Variants in OIT3 observed in about 807,000 individuals in gnomAD.
OIT3 encodes oncoprotein-induced transcript 3 protein.
In OIT3, 41 loss-of-function variants were observed where a neutral mutation model predicts 52.2. The ratio of observed to expected loss-of-function variants is 0.79; its 90% CI spans 0.61 to 1.02. OIT3 has a LOEUF of 1.02. OIT3 is among the 50% of genes least tolerant of loss of function. The pLI is 0.00. For synonymous variants in OIT3, 244 were observed against 276.9 expected (o/e 0.88, Z 1.18); for missense variants, 634 against 715.5 (o/e 0.89, Z 1.30).
At chr10:72,903,536 C>G (rs1845951694) in intron 3 of OIT3, among the ~76,000 whole-genome samples, 1 of 152,140 alleles carries the variant, frequency 6.6e-6, no homozygotes, top group Non-Finnish European at 1.5e-5. Flanking sequence ...CCCCCTTTTT[C>G]TTTTAATTTA....
intron 1 of OIT3, among the ~76,000 whole-genome samples, chr10:72,898,260 C>T (rs1845894997): frequency 6.6e-6 from 1 of 152,144 alleles, no homozygotes; most frequent in Non-Finnish European, 1.5e-5. Flanking sequence ...GCACTCCAGC[C>T]TGGGTGACAG....
At chr10:72,909,315 T>C (rs1170004497) in intron 4 of OIT3, among the ~76,000 whole-genome samples, 1 of 151,948 alleles carries the variant, frequency 6.6e-6, no homozygotes, top group Non-Finnish European at 1.5e-5. Context: ...AAACAGGGTT[T>C]CACCATGTTG....
chr10:72,898,907 G>A lies in OIT3; in HGVS notation c.305G>A (p.Arg102His), dbSNP rs769713678. The change falls in exon 2 of 9, where the codon CGC becomes CAC. Residue 102 changes from arginine (R) to histidine (H), a missense_variant. Transcript: ENST00000334011. The stretch of plus-strand genomic sequence containing the variant: ...CTAGAAGGCGACGGCATTGTGCAAC[G>A]CCAGGCTTGTGCCAGCTTCAATGGG... ...HPLEGDGIVQRQACASFNGNC... is the reference protein window; with the variant it reads ...HPLEGDGIVQHQACASFNGNC... 3 of 1,614,076 alleles carry A rather than the reference G, an allele frequency of 1.9e-6. No individual in the cohort carries two copies. Among genetic ancestry groups the A allele is most frequent in the South Asian group, 2.2e-5 (2 of 91,084 alleles).
chr10:72,918,428 A>G (rs1564594637), intron 6 of OIT3: 1 of 810,268 alleles, frequency 1.2e-6, no homozygotes, highest in Admixed American at 1.7e-5. Context: ...GCTCATCTTC[A>G]TCATTATCCA....
intron 6 of OIT3, among the ~76,000 whole-genome samples, chr10:72,917,040 T>G (rs2132941249): frequency 6.6e-6 from 1 of 152,308 alleles, no homozygotes; most frequent in East Asian, 1.9e-4. Context: ...ATAAATTTCT[T>G]TAAGTTTCTT....
intron 1 of OIT3, among the ~76,000 whole-genome samples, chr10:72,898,410 A>C (rs1845896197): frequency 6.6e-6 from 1 of 152,218 alleles, no homozygotes; most frequent in Non-Finnish European, 1.5e-5. Context: ...CCTTCTATCA[A>C]ATAATTACTC....
At chr10:72,930,681 T>TC in intron 8 of OIT3, 44 bp downstream of exon 8, 1 of 280,648 alleles carries the variant, frequency 3.6e-6, no homozygotes, top group Admixed American at 5.5e-5. Flanking sequence ...ACCTGAGCCT[T>TC]TTTTTTTTTT....
chr10:72,918,627 A>G, intron 6 of OIT3: 1 of 684,030 alleles, frequency 1.5e-6, no homozygotes, highest in Non-Finnish European at 2.6e-6. Context: ...GAATCACACC[A>G]GGGTACACTT....
intron 3 of OIT3, among the ~76,000 whole-genome samples, chr10:72,902,118 G>A (rs530974348): frequency 9.2e-5 from 14 of 152,016 alleles, no homozygotes; most frequent in Non-Finnish European, 1.8e-4. Flanking sequence ...TGACCATCCT[G>A]TGAAGCATGT....
At chr10:72,923,731 G>A (rs1248247241) in intron 6 of OIT3, among the ~76,000 whole-genome samples, 1 of 152,188 alleles carries the variant, frequency 6.6e-6, no homozygotes, top group African/African-American at 2.4e-5. Flanking sequence ...TCGAGGACCT[G>A]CTTAAAGAAG....
intron 6 of OIT3, among the ~76,000 whole-genome samples, chr10:72,920,260 T>C (rs1490101233): frequency 6.6e-6 from 1 of 152,226 alleles, no homozygotes; most frequent in African/African-American, 2.4e-5. Flanking sequence ...TGTATTTCTG[T>C]GGGGCCAGGG....
chr10:72,899,009 C>T lies in OIT3; in HGVS notation c.407C>T (p.Pro136Leu). The T allele has an allele frequency of 1.2e-6, 2 of 1,611,656 alleles. No individual in the cohort carries two copies. The highest frequency in any genetic ancestry group is 1.7e-4 in the Middle Eastern group (1 of 6,056). The change falls in exon 2 of 9, where the codon CCC becomes CTC. Residue 136 changes from proline (P) to leucine (L), a missense_variant. Pro to Leu is a moderately conservative substitution (Grantham distance 98). Transcript: ENST00000334011. Reference protein sequence around the residue: ...GGYYVYRLTKPSVCFHVYCGH... With the variant: ...GGYYVYRLTKLSVCFHVYCGH... ...TACTATGTGTATCGTCTGACCAAGCCCAGCGTCTGCTTCCACGTCTACTGT... is the reference window on the plus strand; with the variant it reads ...TACTATGTGTATCGTCTGACCAAGCTCAGCGTCTGCTTCCACGTCTACTGT...
At position 72,908,200 on chromosome 10, in the gene OIT3, G is replaced by A. The variant is rs144502047; in HGVS notation, c.667+1482G>A. Among the ~76,000 whole-genome samples, 86 of 152,034 alleles carry A rather than the reference G, an allele frequency of 5.7e-4. 1 individual carries two copies. In the East Asian group the frequency reaches 0.013, roughly 24 times the overall value. ...GGAGGTTGCAGTGAGCCAAGATAGC[G>A]CCACTGCACTCCAGCCTGGTGACAA... On this transcript the variant is annotated intron_variant, in intron 4 of 8. Transcript: ENST00000334011.
chr10:72,930,672 C>A, intron 8 of OIT3, 35 bp downstream of exon 8: 7 of 1,197,934 alleles, frequency 5.8e-6, no homozygotes, highest in African/African-American at 1.6e-5. Context: ...AACCCCTGAA[C>A]CTGAGCCTTT....
At chr10:72,931,155 C>T (rs75895944) in intron 8 of OIT3, among the ~76,000 whole-genome samples, 7,125 of 152,154 alleles carry the variant, frequency 0.047, 447 homozygotes, top group African/African-American at 0.14. Context: ...AGTACATTTG[C>T]TGGAACATTG....
chr10:72,924,681 T>A (rs1437028036), intron 7 of OIT3, 37 bp downstream of exon 7: 1 of 1,512,962 alleles, frequency 6.6e-7, no homozygotes, highest in Admixed American at 2.0e-5. Context: ...TCACCCCTAG[T>A]TCACATCCGG....
chr10:72,899,075 A>C, intron 2 of OIT3, 37 bp downstream of exon 2: 1 of 1,560,770 alleles, frequency 6.4e-7, no homozygotes, highest in Non-Finnish European at 8.7e-7. Flanking sequence ...CTCCACCAAC[A>C]AGGCCACAGG....
chr10:72,916,479 T>C (rs761312229), intron 6 of OIT3, among the ~76,000 whole-genome samples: 9 of 152,212 alleles, frequency 5.9e-5, no homozygotes, highest in Non-Finnish European at 1.2e-4. Context: ...TCCAGCTCCA[T>C]CCACTCCCTG....
intron 6 of OIT3, chr10:72,918,662 A>G (rs1846095971): frequency 1.6e-6 from 1 of 610,578 alleles, no homozygotes; most frequent in African/African-American, 1.8e-5. Flanking sequence ...TCTTGAGTTA[A>G]TTTTCGTATA....
Sources: allele counts gnomAD v4.1 joint callset (sites outside exome capture counted in the v4.1 genomes callset), GRCh38; gene constraint gnomAD v4.1.1; transcripts MANE v1.5; gene names NCBI Gene and HGNC (gene_info 2026-07-23, HGNC 2026-07-21).